CLIP4: variants seen among roughly 807,000 people sequenced by gnomAD.
The protein encoded by CLIP4 is CAP-Gly domain-containing linker protein 4.
Under a neutral mutation model 73.1 loss-of-function variants are expected in CLIP4, and 47 were observed. That is an observed-to-expected ratio of 0.64 (90% CI 0.51 to 0.82). The LOEUF is 0.82. CLIP4 is among the 40% of genes least tolerant of loss of function. The probability of loss-of-function intolerance (pLI) is 0.00; values close to 1 mark genes in which losing one functional copy is unlikely to be tolerated. For synonymous variants in CLIP4, 306 were observed against 295.4 expected (o/e 1.04, Z -0.37); for missense variants, 874 against 852.9 (o/e 1.02, Z -0.31).
chr2:29,131,411 A>G lies in CLIP4; in HGVS notation c.273+14A>G. On this transcript the variant is annotated intron_variant, in intron 3 of 15. Transcript: ENST00000320081. The stretch of plus-strand genomic sequence containing the variant: ...ATTGGAAATGAGGTAAGGAATTCTT[A>G]CATTTTAAGTTTTGCATTGTTAGGA... The G allele has an allele frequency of 6.3e-7, 1 of 1,583,870 alleles. No individual in the cohort carries two copies. The highest frequency in any genetic ancestry group is 8.5e-7 in the Non-Finnish European group (1 of 1,170,480).
intron 6 of CLIP4, among the ~76,000 whole-genome samples, chr2:29,136,985 C>T (rs1178929452): frequency 1.3e-5 from 2 of 151,756 alleles, no homozygotes; most frequent in African/African-American, 2.4e-5. Context: ...TATGGGTCAG[C>T]AGTAGCCCTC....
At chr2:29,165,975 CAAA>C (rs35611841) in intron 13 of CLIP4, among the ~76,000 whole-genome samples, 3 of 146,188 alleles carry the variant, frequency 2.1e-5, no homozygotes, top group Non-Finnish European at 4.5e-5. Context: ...CCCTCTTCTT[CAAA>C]AAAAAAAAAA....
At chr2:29,131,701 A>T (rs1166432690) in intron 3 of CLIP4, 1 of 261,378 alleles carries the variant, frequency 3.8e-6, no homozygotes. Flanking sequence ...AAGGGATTTG[A>T]TTACCATCAT....
chr2:29,157,533 T>A, intron 11 of CLIP4, 186 bp downstream of exon 11: 1 of 782,358 alleles, frequency 1.3e-6, no homozygotes, highest in Non-Finnish European at 2.0e-6. Context: ...GTCTCAGATA[T>A]AAGACTTTGC....
At chr2:29,163,390 G>T (rs1178266055) in intron 12 of CLIP4, among the ~76,000 whole-genome samples, 1 of 152,004 alleles carries the variant, frequency 6.6e-6, no homozygotes, top group Non-Finnish European at 1.5e-5. Context: ...ACTGTTTGTG[G>T]TGTTCTAATG....
At chr2:29,145,786 A>T (rs569771183) in intron 8 of CLIP4, among the ~76,000 whole-genome samples, 1 of 152,282 alleles carries the variant, frequency 6.6e-6, no homozygotes, top group East Asian at 1.9e-4. Flanking sequence ...GGTTCAAGCG[A>T]TTCTCCTGCC....
intron 14 of CLIP4, among the ~76,000 whole-genome samples, chr2:29,170,373 C>T (rs1002651410): frequency 3.3e-5 from 5 of 152,206 alleles, no homozygotes; most frequent in African/African-American, 1.2e-4. Flanking sequence ...CTATTCCCAA[C>T]AGCATACAAC....
At chr2:29,144,976 CT>C (rs34319151) in intron 7 of CLIP4, among the ~76,000 whole-genome samples, 3,625 of 151,424 alleles carry the variant, frequency 0.024, 139 homozygotes, top group African/African-American at 0.083. Context: ...AATTAGGATT[CT>C]TATGTCTTCT....
intron 2 of CLIP4, among the ~76,000 whole-genome samples, chr2:29,121,951 C>G (rs973692863): frequency 1.3e-5 from 2 of 152,120 alleles, no homozygotes; most frequent in Admixed American, 6.5e-5. Context: ...ATTTACATCT[C>G]CTCTGTAAAA....
At chr2:29,171,956 TTAA>T (rs1668033718) in intron 14 of CLIP4, among the ~76,000 whole-genome samples, 1 of 151,982 alleles carries the variant, frequency 6.6e-6, no homozygotes, top group South Asian at 2.1e-4. Context: ...TTTTTTGTAC[TTAA>T]TAAGTGATTT....
intron 15 of CLIP4, among the ~76,000 whole-genome samples, chr2:29,180,868 G>GTATATATATA (rs370019820): frequency 3.7e-4 from 56 of 149,498 alleles, no homozygotes; most frequent in Admixed American, 6.7e-4. Flanking sequence ...GTGTACACAT[G>GTATATATATA]TATATATATA....
chr2:29,130,496 A>G (rs1029995694), intron 2 of CLIP4: 1 of 330,028 alleles, frequency 3.0e-6, no homozygotes, highest in African/African-American at 2.2e-5. Flanking sequence ...AATGAAGTTC[A>G]AGCTTCATGT....
rs1019779365 is a variant in CLIP4, at chr2:29,182,035, G to C, written c.*142G>C. The C allele has an allele frequency of 3.0e-6, 2 of 664,332 alleles. No individual in the cohort carries two copies. Among genetic ancestry groups the C allele is most frequent in the Non-Finnish European group, 4.8e-6 (2 of 420,992 alleles). 41.2% of individuals were successfully genotyped at this position (664,332 alleles called of 1,614,324 possible). A position where few individuals can be genotyped will look rare whatever the true frequency, so the allele number is the denominator to read the frequency against. The stretch of plus-strand genomic sequence containing the variant: ...AAAAACCATTATAACAATTCAGAGA[G>C]AGTTCTTTACAAAGCCATGAATATG... On this transcript the variant is annotated 3_prime_UTR_variant, in exon 16 of 16. Transcript: ENST00000320081.
At chr2:29,161,061 G>A (rs1667259239) in intron 12 of CLIP4, among the ~76,000 whole-genome samples, 1 of 151,976 alleles carries the variant, frequency 6.6e-6, no homozygotes, top group Admixed American at 6.6e-5. Flanking sequence ...CGCAACCTCT[G>A]CCTCCTGGGT....
intron 1 of CLIP4, among the ~76,000 whole-genome samples, chr2:29,100,646 G>T (rs1332391874): frequency 6.6e-6 from 1 of 151,790 alleles, no homozygotes; most frequent in Non-Finnish European, 1.5e-5. Flanking sequence ...TGGTTTTAAG[G>T]TGTGTCCTCC....
chr2:29,129,184 A>G (rs968160959), intron 2 of CLIP4, among the ~76,000 whole-genome samples: 4 of 152,170 alleles, frequency 2.6e-5, no homozygotes, highest in Non-Finnish European at 5.9e-5. Flanking sequence ...CTTGTCTAAC[A>G]TGAGCTTATT....
chr2:29,163,880 T>C lies in CLIP4; in HGVS notation c.1584T>C (p.Gly528=). The C allele has an allele frequency of 6.2e-7, 1 of 1,613,600 alleles. No individual in the cohort carries two copies. The highest frequency in any genetic ancestry group is 8.5e-7 in the Non-Finnish European group (1 of 1,179,564). ...ELEKPHGKND[G]SVGGVQYFSC... is the part of the protein sequence containing the mutation. The stretch of plus-strand genomic sequence containing the variant: ...AAAAACCCCATGGCAAGAATGATGG[T>C]TCAGTTGGAGGTGTGCAGTATTTTA... The change falls in exon 13 of 16, where the codon GGT becomes GGC. Residue 528 remains glycine (G), a synonymous_variant. Coordinates refer to ENST00000320081, the MANE Select transcript of CLIP4 (RefSeq NM_024692.6).
intron 8 of CLIP4, among the ~76,000 whole-genome samples, chr2:29,148,885 A>G (rs2148012333): frequency 6.6e-6 from 1 of 152,144 alleles, no homozygotes; most frequent in East Asian, 1.9e-4. Flanking sequence ...ATGAGAAGTA[A>G]ATGTGTTGAG....
intron 2 of CLIP4, among the ~76,000 whole-genome samples, chr2:29,130,338 G>GT (rs1334645503): frequency 6.6e-6 from 1 of 152,164 alleles, no homozygotes; most frequent in African/African-American, 2.4e-5. Context: ...ATCAAAAGTG[G>GT]TAAGAAGCTT....
Sources: allele counts gnomAD v4.1 joint callset (sites outside exome capture counted in the v4.1 genomes callset), GRCh38; gene constraint gnomAD v4.1.1; transcripts MANE v1.5; gene names NCBI Gene and HGNC (gene_info 2026-07-23, HGNC 2026-07-21).